The following RPS6KC1 variants were observed in gnomAD, a reference collection of about 807,000 sequenced individuals.
The protein encoded by RPS6KC1 is inactive ribosomal protein S6 kinase delta-1.
In RPS6KC1, 54 loss-of-function variants were observed where a neutral mutation model predicts 103.8. That is an observed-to-expected ratio of 0.52 (90% CI 0.42 to 0.65). RPS6KC1 has a LOEUF of 0.65. Among genes scored for constraint, RPS6KC1 ranks in the 30% least tolerant of loss-of-function variants. The pLI is 0.00. For missense variants in RPS6KC1, 1,151 were observed against 1,253.8 expected (o/e 0.92, Z 1.24); for synonymous variants, 439 against 438.7 (o/e 1.00, Z -0.01).
intron 7 of RPS6KC1, among the ~76,000 whole-genome samples, chr1:213,173,752 C>T (rs1216429465): frequency 1.3e-5 from 2 of 152,182 alleles, no homozygotes; most frequent in African/African-American, 2.4e-5. Flanking sequence ...GTCTTATCTT[C>T]TCAAATGGTG....
chr1:213,774,645 G>C, the RPS6KC1 span, among the ~76,000 whole-genome samples: 4 of 151,790 alleles, frequency 2.6e-5, no homozygotes, highest in African/African-American at 9.7e-5. Flanking sequence ...AAAAAGACAT[G>C]TGCAGTTAAC....
At chr1:213,433,710 AT>A in the RPS6KC1 span, among the ~76,000 whole-genome samples, 1 of 152,276 alleles carries the variant, frequency 6.6e-6, no homozygotes, top group East Asian at 1.9e-4. Context: ...ATTAATTTTA[AT>A]TTCCCAAATG....
the RPS6KC1 span, among the ~76,000 whole-genome samples, chr1:213,347,642 T>G: frequency 6.6e-6 from 1 of 152,132 alleles, no homozygotes. Flanking sequence ...AGTTCAAGAT[T>G]ACAGTGAGCT....
chr1:213,390,347 T>A, the RPS6KC1 span, among the ~76,000 whole-genome samples: 1 of 152,214 alleles, frequency 6.6e-6, no homozygotes, highest in African/African-American at 2.4e-5. Flanking sequence ...AATGTTTGCA[T>A]CCATTTCCTC....
chr1:213,404,972 T>A, the RPS6KC1 span, among the ~76,000 whole-genome samples: 1 of 152,028 alleles, frequency 6.6e-6, no homozygotes, highest in Non-Finnish European at 1.5e-5. Flanking sequence ...TGTGGTGGAG[T>A]GAGGTGGAGG....
At chr1:213,407,222 AC>A in the RPS6KC1 span, among the ~76,000 whole-genome samples, 1 of 53,804 alleles carries the variant, frequency 1.9e-5, no homozygotes, top group Admixed American at 2.4e-4. Context: ...ACGCGCGCAC[AC>A]ACACACACAC....
the RPS6KC1 span, among the ~76,000 whole-genome samples, chr1:213,491,409 G>A: frequency 6.6e-5 from 10 of 152,258 alleles, no homozygotes; most frequent in South Asian, 2.1e-4. Flanking sequence ...TTAATCGGGC[G>A]TAGTAGTGTA....
the RPS6KC1 span, among the ~76,000 whole-genome samples, chr1:213,748,362 A>G: frequency 6.6e-6 from 1 of 152,218 alleles, no homozygotes; most frequent in Non-Finnish European, 1.5e-5. Context: ...TTGAGGGCTT[A>G]TGTGGGGTAA....
At chr1:213,717,990 C>G in the RPS6KC1 span, among the ~76,000 whole-genome samples, 1 of 152,170 alleles carries the variant, frequency 6.6e-6, no homozygotes, top group Non-Finnish European at 1.5e-5. Flanking sequence ...CCATTGCCAG[C>G]CCCTCTGTGA....
intron 5 of RPS6KC1, among the ~76,000 whole-genome samples, chr1:213,129,032 A>G (rs2085300062): frequency 1.3e-5 from 2 of 152,176 alleles, no homozygotes; most frequent in Non-Finnish European, 2.9e-5. Flanking sequence ...TTGGTGGCTC[A>G]TGCCATCTAA....
the RPS6KC1 span, among the ~76,000 whole-genome samples, chr1:213,833,098 G>C: frequency 6.6e-6 from 1 of 152,192 alleles, no homozygotes; most frequent in South Asian, 2.1e-4. Context: ...CTGAAGAGAA[G>C]AGGGAGGACT....
chr1:213,387,786 C>A, the RPS6KC1 span, among the ~76,000 whole-genome samples: 1 of 152,188 alleles, frequency 6.6e-6, no homozygotes, highest in South Asian at 2.1e-4. Context: ...GACTCAACTT[C>A]TGGATTTTTA....
chr1:213,221,404 C>T (rs948506112), intron 8 of RPS6KC1, among the ~76,000 whole-genome samples: 9 of 152,086 alleles, frequency 5.9e-5, no homozygotes, highest in Non-Finnish European at 1.2e-4. Flanking sequence ...CTGACTTAGG[C>T]AATATTTCTT....
At chr1:213,766,271 G>A in the RPS6KC1 span, among the ~76,000 whole-genome samples, 5 of 152,166 alleles carry the variant, frequency 3.3e-5, no homozygotes, top group Non-Finnish European at 7.4e-5. Flanking sequence ...ATTTTTCAGG[G>A]TCCCAGAAGA....
chr1:213,559,940 C>A, the RPS6KC1 span, among the ~76,000 whole-genome samples: 1 of 151,760 alleles, frequency 6.6e-6, no homozygotes, highest in African/African-American at 2.4e-5. Flanking sequence ...ACGTGTATGT[C>A]GTAGCAGGTA....
the RPS6KC1 span, among the ~76,000 whole-genome samples, chr1:213,481,574 C>G: frequency 1.3e-5 from 2 of 152,082 alleles, no homozygotes; most frequent in African/African-American, 4.8e-5. Flanking sequence ...TTTTATTTCA[C>G]CTGAGGGCAT....
chr1:213,379,741 G>A, the RPS6KC1 span, among the ~76,000 whole-genome samples: 1 of 152,134 alleles, frequency 6.6e-6, no homozygotes, highest in Non-Finnish European at 1.5e-5. Context: ...GCTGCTTGGA[G>A]GGATGCACAA....
the RPS6KC1 span, among the ~76,000 whole-genome samples, chr1:213,535,960 A>G: frequency 2.6e-5 from 4 of 152,278 alleles, no homozygotes; most frequent in African/African-American, 9.6e-5. Context: ...CTAAGCGAGA[A>G]CAAAGCTGAG....
chr1:213,434,826 G>A, the RPS6KC1 span, among the ~76,000 whole-genome samples: 8 of 152,180 alleles, frequency 5.3e-5, no homozygotes, highest in East Asian at 1.2e-3. Flanking sequence ...TCAGTCACTG[G>A]TATAGGACAA....
Sources: gnomAD v4.1 joint callset for allele counts (sites outside exome capture counted in the v4.1 genomes callset) on GRCh38, gnomAD v4.1.1 for gene constraint, MANE v1.5 for transcripts, NCBI Gene and HGNC (gene_info 2026-07-23, HGNC 2026-07-21) for gene names.